The following MDH2 variants were observed in gnomAD, a reference collection of about 807,000 sequenced individuals.
The protein encoded by MDH2 is malate dehydrogenase, mitochondrial.
MDH2 carries 25 observed loss-of-function variants against 33.6 expected under a neutral mutation model. The ratio of observed to expected loss-of-function variants is 0.74; its 90% CI spans 0.54 to 1.04. The LOEUF is 1.04. Among genes scored for constraint, MDH2 ranks in the 50% least tolerant of loss-of-function variants. The pLI is 0.00. For missense variants in MDH2, 432 were observed against 445.0 expected, an observed-to-expected ratio of 0.97 and a Z score of 0.26; for synonymous variants, 193 against 188.7, an observed-to-expected ratio of 1.02 and a Z score of -0.19.
intron 6 of MDH2, among the ~76,000 whole-genome samples, chr7:76,063,861 G>A (rs569729167): frequency 2.9e-4 from 44 of 152,182 alleles, no homozygotes; most frequent in Non-Finnish European, 5.1e-4. Flanking sequence ...CGGAGCGGGC[G>A]AGGTGCTTTT....
Position 76,064,860 on chromosome 7 carries a change from T to C in MDH2, c.792T>C (p.Asp264=), listed in dbSNP as rs371815614. ...AGARFVFSLV[D]AMNGKEGVVE... is the part of the protein sequence containing the mutation. ...CCCGCTTTGTCTTCTCCCTTGTGGA[T>C]GCAATGAATGGAAAGGAAGGTGTTG... The change falls in exon 8 of 9, where the codon GAT becomes GAC. Residue 264 remains aspartate, a synonymous_variant. Transcript: ENST00000315758. 6.2e-6 allele frequency: 10 copies of C among 1,614,126 alleles called. 1 individual carries two copies. The African/African-American group carries it at 1.3e-4, about 22-fold the overall frequency.
intron 5 of MDH2, 55 bp downstream of exon 5, chr7:76,060,553 C>T (rs1554586875): frequency 6.9e-6 from 11 of 1,600,804 alleles, no homozygotes; most frequent in African/African-American, 5.4e-5. Flanking sequence ...TCCCGCCACC[C>T]GTGCTCATTT....
At chr7:76,048,475 T>A in intron 1 of MDH2, 1 of 1,223,316 alleles carries the variant, frequency 8.2e-7, no homozygotes, top group Non-Finnish European at 1.1e-6. Context: ...TTCCCCCAGG[T>A]CTCCCAGATT....
In MDH2 at chr7:76,054,928, CTA is replaced by C. The variant is rs782494815; in HGVS notation, c.167_168del (p.Tyr56Ter). 2.4e-5 allele frequency: 39 copies of C among 1,614,060 alleles called. No individual in the cohort carries two copies. The highest frequency in any genetic ancestry group is 3.1e-5 in the Non-Finnish European group (37 of 1,180,036). Reference sequence around the variant, plus strand: ...GCCCCTTGGTGAGCCGCCTGACCCTCTATGATATCGCGCACACACCCGGAGTG... The same window carrying C: ...GCCCCTTGGTGAGCCGCCTGACCCTCTGATATCGCGCACACACCCGGAGTG... ...NSPLVSRLTL[Y>X]DIAHTPGVAA... On this transcript the variant is annotated frameshift_variant, in exon 2 of 9. Coordinates refer to ENST00000315758, the MANE Select transcript of MDH2 (RefSeq NM_005918.4). LOFTEE classifies it high-confidence loss of function.
chr7:76,060,579 A>AT, intron 5 of MDH2, 81 bp downstream of exon 5: 1 of 1,565,418 alleles, frequency 6.4e-7, no homozygotes, highest in Non-Finnish European at 8.7e-7. Flanking sequence ...CGTGGAAGAC[A>AT]TGAAGGCATG....
chr7:76,049,871 C>T (rs1430230998), intron 1 of MDH2, among the ~76,000 whole-genome samples: 10 of 152,116 alleles, frequency 6.6e-5, no homozygotes, highest in Admixed American at 5.2e-4. Context: ...CTCGCCCTGT[C>T]GACAGGCTGG....
chr7:76,067,009 C>G lies in MDH2; in HGVS notation c.*599C>G, dbSNP rs891210225. The G allele has an allele frequency of 8.5e-5, 13 of 152,416 alleles. No homozygotes were observed. The East Asian group carries it at 2.5e-3, about 29-fold the overall frequency. The allele number at this position is 152,416 out of a possible 1,614,324, so 9.4% of individuals were successfully genotyped here. ...GAACCCTGATGTTCAGTGGCAGAGA[C>G]AGCCCATAGCCAGAACTGTGGGTAG... On this transcript the variant is annotated 3_prime_UTR_variant, in exon 9 of 9. Coordinates refer to ENST00000315758, the MANE Select transcript of MDH2 (RefSeq NM_005918.4).
intron 1 of MDH2, among the ~76,000 whole-genome samples, chr7:76,050,598 G>C (rs1554585277): frequency 6.6e-6 from 1 of 152,206 alleles, no homozygotes; most frequent in Non-Finnish European, 1.5e-5. Flanking sequence ...GGGGCGGCCA[G>C]TTGAGGGTTT....
Position 76,066,560 on chromosome 7 carries a change from G to T in MDH2, c.*150G>T. ...CTTCCAAATTGTGGGTGGCTCTGTG[G>T]GCGCATCAATAAAAGCCGTCCTTGA... On this transcript the variant is annotated 3_prime_UTR_variant, in exon 9 of 9. Transcript: ENST00000315758. 2.1e-6 allele frequency: 2 copies of T among 939,976 alleles called. No individual in the cohort carries two copies. Among genetic ancestry groups the T allele is most frequent in the Non-Finnish European group, 2.9e-6 (2 of 683,164 alleles). 58.2% of individuals were successfully genotyped at this position (939,976 alleles called of 1,614,324 possible). A position where few individuals can be genotyped will look rare whatever the true frequency, so the allele number is the denominator to read the frequency against.
chr7:76,048,588 T>C (rs1797420781), intron 1 of MDH2: 7 of 1,307,026 alleles, frequency 5.4e-6, no homozygotes, highest in Non-Finnish European at 6.8e-6. Flanking sequence ...TTCCATTGCT[T>C]TGACGTAGCT....
chr7:76,065,887 C>G (rs1554587804), intron 8 of MDH2, among the ~76,000 whole-genome samples: 1 of 152,218 alleles, frequency 6.6e-6, no homozygotes, highest in East Asian at 1.9e-4. Context: ...AACCCAGAAA[C>G]AGGCTCTGTT....
At chr7:76,048,877 AGCC>A in intron 1 of MDH2, 3 of 1,133,504 alleles carry the variant, frequency 2.6e-6, no homozygotes, top group Non-Finnish European at 3.2e-6. Flanking sequence ...GGCTATTTTT[AGCC>A]ATCTTCTAGA....
rs145155225 is a variant in MDH2 at position 76,048,249 on chromosome 7, T to C, written c.66+23T>C. ...CAGGTAGGCCAGACGAGGGGCGGCC[T>C]GCAGGCGGAGGCCCCCCGGCCCGGG... On this transcript the variant is annotated intron_variant, in intron 1 of 8. Coordinates refer to ENST00000315758, the MANE Select transcript of MDH2 (RefSeq NM_005918.4). 454 of 1,530,186 alleles carry C rather than the reference T, an allele frequency of 3.0e-4. 5 individuals carry two copies. In the African/African-American group the frequency reaches 5.9e-3, roughly 20 times the overall value. 94.8% of individuals were successfully genotyped at this position (1,530,186 alleles called of 1,614,324 possible). A position where few individuals can be genotyped will look rare whatever the true frequency, so the allele number is the denominator to read the frequency against.
At chr7:76,052,249 A>T (rs1322452925) in intron 1 of MDH2, among the ~76,000 whole-genome samples, 1 of 152,066 alleles carries the variant, frequency 6.6e-6, no homozygotes, top group African/African-American at 2.4e-5. Context: ...TGAGCTCAGA[A>T]GTTTGAGACC....
intron 6 of MDH2, 75 bp downstream of exon 6, chr7:76,063,667 G>T: frequency 6.9e-7 from 1 of 1,454,270 alleles, no homozygotes; most frequent in Non-Finnish European, 9.6e-7. Context: ...AGGTGATCCC[G>T]GTAGACTGGA....
chr7:76,055,000 T>C lies in MDH2; in HGVS notation c.235+2T>C. The C allele has an allele frequency of 6.2e-7, 1 of 1,610,614 alleles. No homozygotes were observed. Among genetic ancestry groups the C allele is most frequent in the East Asian group, 2.2e-5 (1 of 44,760 alleles). The stretch of plus-strand genomic sequence containing the variant: ...TCGAGACCAAAGCCGCTGTGAAAGG[T>C]ACTGGGCGCGCTGACCCTGGAGACT... On this transcript the variant is annotated splice_donor_variant, in intron 2 of 8. Coordinates refer to ENST00000315758, the MANE Select transcript of MDH2 (RefSeq NM_005918.4). LOFTEE classifies it high-confidence loss of function.
intron 1 of MDH2, chr7:76,048,584 T>C: frequency 7.6e-7 from 1 of 1,310,312 alleles, no homozygotes. Context: ...AGCGTTCCAT[T>C]GCTTTGACGT....
At position 76,054,865 on chromosome 7, in the gene MDH2, A is replaced by T. The variant is rs1563546796; in HGVS notation, c.102A>T (p.Gly34=). 1.9e-6 allele frequency: 3 copies of T among 1,614,094 alleles called. No individual in the cohort carries two copies. Among genetic ancestry groups the T allele is most frequent in the Admixed American group, 3.3e-5 (2 of 60,008 alleles). ...NAKVAVLGAS[G]GIGQPLSLLL... ...AAGTAGCTGTGCTAGGGGCCTCTGG[A>T]GGCATCGGGCAGCCACTTTCACTTC... is the stretch of plus-strand genomic sequence containing the variant. The change falls in exon 2 of 9, where the codon GGA becomes GGT. Residue 34 remains glycine (G), a synonymous_variant. Transcript: ENST00000315758.
intron 1 of MDH2, chr7:76,048,971 C>G: frequency 1.7e-6 from 1 of 579,092 alleles, no homozygotes; most frequent in Non-Finnish European, 1.9e-6. Context: ...ATTGAAGAAG[C>G]TTAAGACTGC....
Sources: gnomAD v4.1 joint callset for allele counts (sites outside exome capture counted in the v4.1 genomes callset) on GRCh38, gnomAD v4.1.1 for gene constraint, MANE v1.5 for transcripts, NCBI Gene and HGNC (gene_info 2026-07-23, HGNC 2026-07-21) for gene names.